Variants in SOD2 observed in about 807,000 individuals in gnomAD.
The protein encoded by SOD2 is superoxide dismutase [Mn], mitochondrial.
SOD2 carries 11 observed loss-of-function variants against 27.0 expected under a neutral mutation model. That is an observed-to-expected ratio of 0.41 (90% confidence interval 0.26 to 0.67). The LOEUF is 0.67. Ranked by LOEUF, SOD2 falls within the 30% of genes least tolerant of loss-of-function variation. SOD2 has a pLI of 0.34. For synonymous variants in SOD2, 105 were observed against 103.0 expected (o/e 1.02, Z -0.12); for missense variants, 250 against 274.5 (o/e 0.91, Z 0.63).
At chr6:159,705,233 C>T (rs1045191637) in intron 1 of SOD2, among the ~76,000 whole-genome samples, 5 of 152,218 alleles carry the variant, frequency 3.3e-5, no homozygotes, top group Admixed American at 6.5e-5. Flanking sequence ...TCCAAAGGAA[C>T]ACAGCTCCTC....
intron 1 of SOD2, among the ~76,000 whole-genome samples, chr6:159,750,512 A>G (rs903195293): frequency 6.6e-6 from 1 of 152,226 alleles, no homozygotes; most frequent in Non-Finnish European, 1.5e-5. Context: ...AGTAACTGCT[A>G]TTACTTTTTC....
chr6:159,744,938 C>G (rs1196386792), intron 1 of SOD2, among the ~76,000 whole-genome samples: 1 of 152,178 alleles, frequency 6.6e-6, no homozygotes, highest in African/African-American at 2.4e-5. Context: ...CCTTGGCCTC[C>G]CAAAACTGTT....
rs779238114 is a variant in SOD2, at chr6:159,692,811, G to A, written c.76C>T (p.His26Tyr). 6.2e-7 allele frequency: 1 copy of A among 1,613,866 alleles called. No homozygotes were observed. Among genetic ancestry groups the A allele is most frequent in the East Asian group, 2.2e-5 (1 of 44,878 alleles). ...TCGTAGGGCAGGTCGGGGAGGCTGT[G>A]CTTCTGCCTGGAGCCCAGATACCCC... ...VLGYLGSRQK[H>Y]SLPDLPYDYG... Residue 26 changes from histidine to tyrosine, a missense_variant, in exon 2 of 5, where the codon CAC becomes TAC. Coordinates refer to ENST00000538183, the MANE Select transcript of SOD2 (RefSeq NM_000636.4).
intron 1 of SOD2, among the ~76,000 whole-genome samples, chr6:159,739,211 G>A (rs1454025352): frequency 6.6e-6 from 1 of 152,038 alleles, no homozygotes; most frequent in Admixed American, 6.6e-5. Context: ...TATTAACACC[G>A]AGGAAAACGT....
upstream of SOD2, chr6:159,730,763 A>T (rs1215035436): frequency 6.6e-6 from 1 of 152,232 alleles, no homozygotes; most frequent in African/African-American, 2.4e-5. Context: ...CTGAGAGTTG[A>T]CTTAGGAAGT....
At chr6:159,726,434 A>G (rs963964998) in intron 1 of SOD2, 1 of 174,970 alleles carries the variant, frequency 5.7e-6, no homozygotes, top group African/African-American at 2.4e-5. Flanking sequence ...ATCCTAATAA[A>G]TCACCTTACT....
rs889042715 is a variant in SOD2 at position 159,688,377 on chromosome 6, C to T, written c.227-135G>A. 6.5e-6 allele frequency: 4 copies of T among 615,694 alleles called. No individual in the cohort carries two copies. In the African/African-American group the frequency reaches 7.5e-5, roughly 12 times the overall value. The allele number at this position is 615,694 out of a possible 1,614,324, so 38.1% of individuals were successfully genotyped here. ...TATAACATCCGTTTGTCCTAAAATT[C>T]AGCACCCCCCCGCCCCAAAATTATT... On this transcript the variant is annotated intron_variant, in intron 2 of 4. Coordinates refer to ENST00000538183, the MANE Select transcript of SOD2 (RefSeq NM_000636.4).
At chr6:159,726,737 T>C (rs1295389364) in intron 1 of SOD2, 13 of 1,280,442 alleles carry the variant, frequency 1.0e-5, no homozygotes, top group South Asian at 3.7e-5. Context: ...CAGAGAACAA[T>C]AGCTCCTCGA....
intron 1 of SOD2, among the ~76,000 whole-genome samples, chr6:159,740,555 C>G (rs1427860951): frequency 1.3e-5 from 2 of 152,118 alleles, no homozygotes. Context: ...CACTGAAGAT[C>G]TTTCTCTATA....
At chr6:159,758,830 C>G (rs893306575) in intron 1 of SOD2, among the ~76,000 whole-genome samples, 2 of 152,138 alleles carry the variant, frequency 1.3e-5, no homozygotes, top group African/African-American at 4.8e-5. Flanking sequence ...TAGCAAAGAC[C>G]TGGCTTGGAC....
At chr6:159,728,715 C>T (rs1778380318), upstream of SOD2, among the ~76,000 whole-genome samples, 1 of 152,186 alleles carries the variant, frequency 6.6e-6, no homozygotes, top group South Asian at 2.1e-4. Context: ...CAAGTAGCAT[C>T]TGATTAGCCA....
At chr6:159,755,032 G>A in intron 1 of SOD2, 1 of 1,610,972 alleles carries the variant, frequency 6.2e-7, no homozygotes, top group Non-Finnish European at 8.5e-7. Context: ...GCACAGAACT[G>A]AATGACTTCA....
At chr6:159,755,276 A>G (rs1310505872) in intron 1 of SOD2, 1 of 1,614,126 alleles carries the variant, frequency 6.2e-7, no homozygotes, top group Non-Finnish European at 8.5e-7. Flanking sequence ...CTCCCGCCAG[A>G]GGACGTCTGG....
chr6:159,705,209 A>T (rs111939814), intron 1 of SOD2, among the ~76,000 whole-genome samples: 2,570 of 152,350 alleles, frequency 0.017, 82 homozygotes, highest in African/African-American at 0.058. Context: ...TAAAAATCAG[A>T]GCACCTCTCC....
Position 159,673,831 on chromosome 6 carries a change from C to T in SOD2, c.*8662G>A, listed in dbSNP as rs1371029935. The T allele has an allele frequency of 6.6e-6, 1 of 152,018 alleles. No individual in the cohort carries two copies. Among genetic ancestry groups the T allele is most frequent in the Non-Finnish European group, 1.5e-5 (1 of 68,004 alleles). The allele number at this position is 152,018 out of a possible 1,614,324, so 9.4% of individuals were successfully genotyped here. A position where few individuals can be genotyped will look rare whatever the true frequency, so the allele number is the denominator to read the frequency against. ...GGAGCTGGTTTTTTGAAAAGATAAACACAATTGATAGACCGCTAGCAAGAC... is the reference window on the plus strand; with the variant it reads ...GGAGCTGGTTTTTTGAAAAGATAAATACAATTGATAGACCGCTAGCAAGAC... On this transcript the variant is annotated 3_prime_UTR_variant, in exon 5 of 5. Coordinates refer to ENST00000538183, the MANE Select transcript of SOD2 (RefSeq NM_000636.4).
At chr6:159,747,640 G>A (rs1779652836), upstream of SOD2, among the ~76,000 whole-genome samples, 1 of 151,988 alleles carries the variant, frequency 6.6e-6, no homozygotes, top group African/African-American at 2.4e-5. Context: ...GTATTTTTAG[G>A]GGACTTTACA....
chr6:159,727,409 G>T (rs968965869), upstream of SOD2: 19 of 659,698 alleles, frequency 2.9e-5, 1 homozygote, highest in African/African-American at 4.6e-4. Flanking sequence ...GGGAGGCAGT[G>T]GCGCTGGCCT....
At chr6:159,696,906 A>C (rs1474851867), upstream of SOD2, among the ~76,000 whole-genome samples, 1 of 152,038 alleles carries the variant, frequency 6.6e-6, no homozygotes, top group African/African-American at 2.4e-5. Flanking sequence ...GTGTGGTAGC[A>C]TGTGCCTGCA....
At position 159,672,437 on chromosome 6, in the gene SOD2, T is replaced by G. The variant is rs1779685808; in HGVS notation, c.*10056A>C. On this transcript the variant is annotated 3_prime_UTR_variant, in exon 5 of 5. Transcript: ENST00000538183. ...GCCAGAAGAGAGTGGGGGTCAATAT[T>G]CAACGTTCTTGAAGAAAAGAATTTT... The G allele has an allele frequency of 6.6e-6, 1 of 152,192 alleles. No homozygotes were observed. The highest frequency in any genetic ancestry group is 6.5e-5 in the Admixed American group (1 of 15,272). The allele number at this position is 152,192 out of a possible 1,614,324, so 9.4% of individuals were successfully genotyped here. A position where few individuals can be genotyped will look rare whatever the true frequency, so the allele number is the denominator to read the frequency against.
Sources: allele counts gnomAD v4.1 joint callset (sites outside exome capture counted in the v4.1 genomes callset), GRCh38; gene constraint gnomAD v4.1.1; transcripts MANE v1.5; gene names NCBI Gene and HGNC (gene_info 2026-07-23, HGNC 2026-07-21).